HS3ST5: variants seen among roughly 807,000 people sequenced by gnomAD.
HS3ST5 encodes the protein heparan sulfate-glucosamine 3-sulfotransferase 5, also known as heparan sulfate glucosamine 3-O-sulfotransferase 5.
A neutral mutation model predicts 25.4 loss-of-function variants in HS3ST5; 10 were observed. That is an observed-to-expected ratio of 0.39 (90% CI 0.24 to 0.67). The LOEUF is 0.67. Ranked by LOEUF, HS3ST5 falls within the 30% of genes least tolerant of loss-of-function variation. HS3ST5 has a pLI of 0.44. For synonymous variants in HS3ST5, 170 were observed against 162.4 expected, an observed-to-expected ratio of 1.05 and a Z score of -0.36; for missense variants, 324 against 420.7, an observed-to-expected ratio of 0.77 and a Z score of 2.01.
chr6:114,283,801 A>G (rs1215215531), intron 1 of HS3ST5, among the ~76,000 whole-genome samples: 1 of 152,102 alleles, frequency 6.6e-6, no homozygotes, highest in Admixed American at 6.6e-5. Flanking sequence ...AAATACTATT[A>G]GAAACTGATT....
At chr6:114,190,832 T>C (rs948024826) in intron 2 of HS3ST5, among the ~76,000 whole-genome samples, 1 of 152,222 alleles carries the variant, frequency 6.6e-6, no homozygotes. Context: ...CTTTTTGGCA[T>C]GAATGCACCA....
chr6:114,258,051 G>T (rs929181473), intron 1 of HS3ST5, among the ~76,000 whole-genome samples: 1 of 152,110 alleles, frequency 6.6e-6, no homozygotes, highest in African/African-American at 2.4e-5. Context: ...GTCCCACCAT[G>T]CCCAGCTTGT....
chr6:114,089,205 G>A (rs1367044869), intron 3 of HS3ST5, among the ~76,000 whole-genome samples: 1 of 152,180 alleles, frequency 6.6e-6, no homozygotes, highest in African/African-American at 2.4e-5. Context: ...GAAGCAATGG[G>A]GAGCTATATT....
chr6:114,276,502 T>C (rs1222030061), intron 1 of HS3ST5, among the ~76,000 whole-genome samples: 1 of 151,664 alleles, frequency 6.6e-6, no homozygotes, highest in Non-Finnish European at 1.5e-5. Context: ...AATCTTCTGA[T>C]CAGCTATTAA....
At chr6:114,226,809 A>G (rs1423319034) in intron 2 of HS3ST5, among the ~76,000 whole-genome samples, 1 of 152,048 alleles carries the variant, frequency 6.6e-6, no homozygotes, top group Non-Finnish European at 1.5e-5. Flanking sequence ...AAATACACCA[A>G]TGATAATGAA....
chr6:114,211,772 A>G (rs1781519516), intron 2 of HS3ST5, among the ~76,000 whole-genome samples: 1 of 152,262 alleles, frequency 6.6e-6, no homozygotes, highest in African/African-American at 2.4e-5. Context: ...GGCATAACAG[A>G]CTAAGCAAGA....
chr6:114,169,144 A>G (rs930084163), intron 2 of HS3ST5, among the ~76,000 whole-genome samples: 11 of 152,204 alleles, frequency 7.2e-5, no homozygotes, highest in African/African-American at 2.4e-4. Flanking sequence ...AAGAGTGTAT[A>G]TGACATCTAA....
At chr6:114,171,821 C>A (rs111457117) in intron 2 of HS3ST5, among the ~76,000 whole-genome samples, 34 of 152,096 alleles carry the variant, frequency 2.2e-4, no homozygotes, top group African/African-American at 8.0e-4. Context: ...CCACAAACAA[C>A]AACAAAATAG....
chr6:114,204,590 T>C (rs1781186542), intron 2 of HS3ST5, among the ~76,000 whole-genome samples: 1 of 152,182 alleles, frequency 6.6e-6, no homozygotes, highest in Non-Finnish European at 1.5e-5. Context: ...TTTAAAAAGC[T>C]CTAAGTATGT....
intron 1 of HS3ST5, among the ~76,000 whole-genome samples, chr6:114,268,380 G>A (rs1456677013): frequency 6.6e-6 from 1 of 152,134 alleles, no homozygotes; most frequent in Non-Finnish European, 1.5e-5. Context: ...TCCTGACTTT[G>A]AGGAATAGAA....
intron 3 of HS3ST5, among the ~76,000 whole-genome samples, chr6:114,120,186 A>C (rs1011097865): frequency 2.7e-4 from 41 of 152,060 alleles, no homozygotes; most frequent in Non-Finnish European, 3.4e-4. Flanking sequence ...AACAAAAAAA[A>C]CCCCAAATAA....
At chr6:114,137,782 A>T (rs1777700408) in intron 3 of HS3ST5, among the ~76,000 whole-genome samples, 1 of 151,434 alleles carries the variant, frequency 6.6e-6, no homozygotes, top group African/African-American at 2.4e-5. Flanking sequence ...CATCTCTTCC[A>T]CTCTTCCCAT....
At chr6:114,266,897 T>G (rs1240123398) in intron 1 of HS3ST5, among the ~76,000 whole-genome samples, 2 of 152,202 alleles carry the variant, frequency 1.3e-5, no homozygotes, top group Admixed American at 1.3e-4. Flanking sequence ...CAGTTTCGAT[T>G]GCAAAAAATA....
chr6:114,132,682 A>G (rs185771363), intron 3 of HS3ST5, among the ~76,000 whole-genome samples: 5 of 152,312 alleles, frequency 3.3e-5, no homozygotes, highest in East Asian at 3.9e-4. Context: ...GCTTATAAAT[A>G]GTTACCATCT....
chr6:114,069,516 ATTTTTTTTT>A lies in HS3ST5; in HGVS notation c.-32-6648_-32-6640del, dbSNP rs373504728. Reference sequence around the variant, plus strand: ...GAGCTTTGGATACTTACATGGGAGAATTTTTTTTTTTTTTTTTTTTTGAGACGGAGTCTC... The same window carrying A: ...GAGCTTTGGATACTTACATGGGAGAATTTTTTTTTTTTGAGACGGAGTCTC... On this transcript the variant is annotated intron_variant, in intron 3 of 4. Transcript: ENST00000312719. 1.5e-5 allele frequency among the ~76,000 whole-genome samples: 2 copies of A among 130,682 alleles called. 1 individual carries two copies. Among genetic ancestry groups the A allele is most frequent in the African/African-American group, 5.7e-5 (2 of 34,806 alleles). The allele number at this position is 130,682 out of a possible 152,430, so 85.7% of individuals were successfully genotyped here.
intron 2 of HS3ST5, among the ~76,000 whole-genome samples, chr6:114,215,362 C>T (rs778788146): frequency 2.6e-5 from 4 of 152,020 alleles, no homozygotes; most frequent in East Asian, 1.9e-4. Context: ...ACAGAGAAAT[C>T]GAGTCTTCTT....
chr6:114,259,360 T>C (rs896621779), intron 1 of HS3ST5, among the ~76,000 whole-genome samples: 2 of 152,238 alleles, frequency 1.3e-5, no homozygotes, highest in Admixed American at 6.5e-5. Flanking sequence ...ATTCTTTTAA[T>C]ACTCATGTGG....
intron 1 of HS3ST5, among the ~76,000 whole-genome samples, chr6:114,246,930 ACT>A (rs1320273601): frequency 3.9e-5 from 6 of 152,226 alleles, no homozygotes; most frequent in Admixed American, 3.3e-4. Context: ...GAGAAAGTAA[ACT>A]CTATTCTTCC....
intron 3 of HS3ST5, among the ~76,000 whole-genome samples, chr6:114,157,602 A>G (rs1778758438): frequency 6.6e-6 from 1 of 152,202 alleles, no homozygotes; most frequent in Non-Finnish European, 1.5e-5. Flanking sequence ...AATAAATGAT[A>G]AGTATGTGAG....
Sources: gnomAD v4.1 joint callset for allele counts (sites outside exome capture counted in the v4.1 genomes callset) on GRCh38, gnomAD v4.1.1 for gene constraint, MANE v1.5 for transcripts, NCBI Gene and HGNC (gene_info 2026-07-23, HGNC 2026-07-21) for gene names.